CSMD1: variants seen among roughly 807,000 people sequenced by gnomAD.
CSMD1 encodes CUB and Sushi multiple domains 1.
Under a neutral mutation model 417.5 loss-of-function variants are expected in CSMD1, and 213 were observed. The observed-to-expected ratio is 0.51, with a 90% CI of 0.46 to 0.57. The LOEUF is 0.57. Among genes scored for constraint, CSMD1 ranks in the 20% least tolerant of loss-of-function variants. The pLI is 0.00. For synonymous variants in CSMD1, 2,862 were observed against 1,736.8 expected, an observed-to-expected ratio of 1.65 and a Z score of -16.11; for missense variants, 6,923 against 4,529.7, an observed-to-expected ratio of 1.53 and a Z score of -15.17.
chr8:4,437,707 C>T (rs1215932691), intron 2 of CSMD1, among the ~76,000 whole-genome samples: 1 of 152,054 alleles, frequency 6.6e-6, no homozygotes, highest in Non-Finnish European at 1.5e-5. Context: ...GAATAAGATT[C>T]TACTATCTTA....
chr8:4,059,276 G>A (rs1798850296), intron 3 of CSMD1, among the ~76,000 whole-genome samples: 1 of 152,170 alleles, frequency 6.6e-6, no homozygotes, highest in Middle Eastern at 3.4e-3. Flanking sequence ...CAGAATCTCT[G>A]GGACACATTC....
chr8:4,637,951 T>G (rs576595089), intron 1 of CSMD1, among the ~76,000 whole-genome samples: 304 of 151,774 alleles, frequency 2.0e-3, no homozygotes, highest in Middle Eastern at 3.4e-3. Flanking sequence ...ATTACAGGCG[T>G]GAGCCACCGC....
chr8:4,399,238 C>T (rs1441832025), intron 3 of CSMD1, among the ~76,000 whole-genome samples: 1 of 152,156 alleles, frequency 6.6e-6, no homozygotes, highest in Non-Finnish European at 1.5e-5. Flanking sequence ...CGTATTTCCC[C>T]TTGTGTGTAA....
chr8:3,876,378 C>T (rs1805823010), intron 5 of CSMD1, among the ~76,000 whole-genome samples: 1 of 152,134 alleles, frequency 6.6e-6, no homozygotes, highest in Non-Finnish European at 1.5e-5. Context: ...TCCTAGAGTA[C>T]TCAATAAACT....
At chr8:3,963,737 A>G (rs1812486752) in intron 5 of CSMD1, among the ~76,000 whole-genome samples, 1 of 152,226 alleles carries the variant, frequency 6.6e-6, no homozygotes, top group Admixed American at 6.5e-5. Flanking sequence ...TAGCAAAACA[A>G]AAGCTATATG....
At chr8:4,949,911 TGA>T (rs201546874) in intron 1 of CSMD1, among the ~76,000 whole-genome samples, 1 of 107,744 alleles carries the variant, frequency 9.3e-6, no homozygotes, top group Non-Finnish European at 2.0e-5. Context: ...TGCACCAACT[TGA>T]GTGTGTGTGT....
intron 3 of CSMD1, among the ~76,000 whole-genome samples, chr8:4,213,475 T>A (rs964433267): frequency 1.6e-4 from 25 of 152,216 alleles, no homozygotes; most frequent in Non-Finnish European, 2.8e-4. Context: ...ACTGGCCAGT[T>A]ACTAGAATGA....
intron 31 of CSMD1, among the ~76,000 whole-genome samples, chr8:3,203,363 G>C (rs192911680): frequency 1.3e-5 from 2 of 152,152 alleles, no homozygotes. Context: ...TGCCAAGAGA[G>C]AAAAGCTGTT....
intron 5 of CSMD1, among the ~76,000 whole-genome samples, chr8:3,960,923 C>T (rs1305725752): frequency 6.6e-6 from 1 of 151,792 alleles, no homozygotes; most frequent in Admixed American, 6.6e-5. Context: ...TTAGATTATT[C>T]CTCTGGAATA....
intron 7 of CSMD1, among the ~76,000 whole-genome samples, chr8:3,696,828 G>A (rs960233540): frequency 2.0e-5 from 3 of 152,186 alleles, no homozygotes; most frequent in Non-Finnish European, 2.9e-5. Context: ...GAATTAAAAT[G>A]TATTCCCATA....
chr8:3,709,324 G>A (rs1276273245), intron 6 of CSMD1, among the ~76,000 whole-genome samples: 5 of 152,072 alleles, frequency 3.3e-5, no homozygotes, highest in Non-Finnish European at 7.3e-5. Flanking sequence ...CTGCGAGCAG[G>A]CAGATCGGCT....
At chr8:3,514,985 C>G (rs969929236) in intron 10 of CSMD1, among the ~76,000 whole-genome samples, 2 of 152,086 alleles carry the variant, frequency 1.3e-5, no homozygotes, top group Admixed American at 6.6e-5. Flanking sequence ...CTTTTAAAAA[C>G]AACATTTTAT....
rs189548479 is a variant in CSMD1 at position 3,419,906 on chromosome 8, A to G, written c.1562-10301T>C. Among the ~76,000 whole-genome samples the G allele has an allele frequency of 2.0e-5, 3 of 152,298 alleles. No homozygotes were observed. In the East Asian group the frequency reaches 5.8e-4, roughly 29 times the overall value. The stretch of plus-strand genomic sequence containing the variant: ...TGGAATAGATCCTGTTTTAGATGGA[A>G]TCTCAGCAACATCAATTATCTGTGT... On this transcript the variant is annotated intron_variant, in intron 12 of 69. Transcript: ENST00000635120.
chr8:3,389,076 A>G lies in CSMD1; in HGVS notation c.2594-1394T>C, dbSNP rs369523276. ...TGTTGTTGTTGTTTACTTTTATTTT[A>G]AAACCCAGTGCTGGGTGAATGATTT... On this transcript the variant is annotated intron_variant, in intron 17 of 69. Transcript: ENST00000635120. 7.9e-5 allele frequency among the ~76,000 whole-genome samples: 12 copies of G among 152,148 alleles called. 1 individual carries two copies. Among genetic ancestry groups the G allele is most frequent in the Admixed American group, 7.2e-4 (11 of 15,266 alleles).
chr8:3,335,728 T>C (rs1807216138), intron 23 of CSMD1, among the ~76,000 whole-genome samples: 1 of 152,192 alleles, frequency 6.6e-6, no homozygotes, highest in South Asian at 2.1e-4. Context: ...CTTCTGTGTA[T>C]GGAATGTCAC....
At chr8:3,473,562 T>C (rs577907983) in intron 11 of CSMD1, among the ~76,000 whole-genome samples, 20 of 152,318 alleles carry the variant, frequency 1.3e-4, no homozygotes, top group African/African-American at 3.6e-4. Context: ...AAGCAAGCAA[T>C]ATTGTTGCCC....
At chr8:4,279,820 A>G (rs1796681223) in intron 3 of CSMD1, among the ~76,000 whole-genome samples, 1 of 152,204 alleles carries the variant, frequency 6.6e-6, no homozygotes, top group Admixed American at 6.5e-5. Context: ...TTGATGATAA[A>G]AAGACTGAGT....
chr8:4,647,683 G>C (rs1053080404), intron 1 of CSMD1, among the ~76,000 whole-genome samples: 2 of 152,022 alleles, frequency 1.3e-5, no homozygotes, highest in Non-Finnish European at 2.9e-5. Flanking sequence ...TTCTGTTCTT[G>C]TGTTGGTTTG....
At chr8:3,291,552 T>G (rs1224931719) in intron 25 of CSMD1, among the ~76,000 whole-genome samples, 2 of 152,196 alleles carry the variant, frequency 1.3e-5, no homozygotes, top group East Asian at 3.8e-4. Context: ...GGTTTAGTCT[T>G]GGGAGGATGT....
Sources: allele counts gnomAD v4.1 joint callset (sites outside exome capture counted in the v4.1 genomes callset), GRCh38; gene constraint gnomAD v4.1.1; transcripts MANE v1.5; gene names NCBI Gene and HGNC (gene_info 2026-07-23, HGNC 2026-07-21).